Variants in NKAIN2 observed in about 807,000 individuals in gnomAD.
NKAIN2 encodes the protein sodium/potassium-transporting ATPase subunit beta-1-interacting protein 2.
NKAIN2 carries 14 observed loss-of-function variants against 32.6 expected under a neutral mutation model. That is an observed-to-expected ratio of 0.43 (90% CI 0.28 to 0.67). The LOEUF (loss-of-function observed/expected upper bound fraction) is 0.67. Among genes scored for constraint, NKAIN2 ranks in the 30% least tolerant of loss-of-function variants. The pLI is 0.17. For synonymous variants in NKAIN2, 80 were observed against 87.2 expected (o/e 0.92, Z 0.46); for missense variants, 198 against 258.3 (o/e 0.77, Z 1.60).
At chr6:124,051,800 T>C (rs1782415314) in intron 1 of NKAIN2, among the ~76,000 whole-genome samples, 1 of 152,010 alleles carries the variant, frequency 6.6e-6, no homozygotes, top group African/African-American at 2.4e-5. Context: ...TCTAGAAGCA[T>C]TGGGTTAGTG....
chr6:124,724,466 A>T (rs1054848180), intron 4 of NKAIN2, among the ~76,000 whole-genome samples: 3 of 152,174 alleles, frequency 2.0e-5, no homozygotes, highest in Non-Finnish European at 4.4e-5. Context: ...CTCCTACTAC[A>T]GTTTATTCTG....
chr6:124,156,550 C>T (rs537081894), intron 1 of NKAIN2, among the ~76,000 whole-genome samples: 10 of 152,176 alleles, frequency 6.6e-5, no homozygotes, highest in East Asian at 1.9e-4. Flanking sequence ...AAAAGAAGTT[C>T]AGTGTATCTG....
intron 3 of NKAIN2, among the ~76,000 whole-genome samples, chr6:124,591,858 A>G (rs1781925475): frequency 6.6e-6 from 1 of 152,168 alleles, no homozygotes; most frequent in African/African-American, 2.4e-5. Context: ...GAACAGGAAG[A>G]AAATCTTGTC....
At chr6:124,202,888 T>G (rs1353322824) in intron 1 of NKAIN2, among the ~76,000 whole-genome samples, 1 of 151,888 alleles carries the variant, frequency 6.6e-6, no homozygotes, top group African/African-American at 2.4e-5. Context: ...AAATAATAGA[T>G]GGCAGTGATT....
intron 3 of NKAIN2, among the ~76,000 whole-genome samples, chr6:124,404,319 A>G (rs933241205): frequency 3.9e-5 from 6 of 152,182 alleles, no homozygotes; most frequent in African/African-American, 1.4e-4. Flanking sequence ...GAGAGGGTTC[A>G]CCAGGGATCA....
intron 1 of NKAIN2, among the ~76,000 whole-genome samples, chr6:124,154,603 G>A (rs1281339584): frequency 6.6e-6 from 1 of 151,836 alleles, no homozygotes; most frequent in Non-Finnish European, 1.5e-5. Flanking sequence ...TTCTTTAAAT[G>A]AAAATCGTAT....
intron 4 of NKAIN2, among the ~76,000 whole-genome samples, chr6:124,707,899 G>A (rs943195355): frequency 1.3e-5 from 2 of 152,038 alleles, no homozygotes; most frequent in African/African-American, 4.8e-5. Flanking sequence ...TGGTGTTTTG[G>A]ACATGAAGTC....
intron 1 of NKAIN2, among the ~76,000 whole-genome samples, chr6:124,046,998 G>A (rs964199205): frequency 2.6e-5 from 4 of 151,912 alleles, no homozygotes; most frequent in African/African-American, 4.8e-5. Context: ...AAATGCCTTC[G>A]CTGTTTTGTA....
At chr6:124,095,365 TTG>T (rs1428870931) in intron 1 of NKAIN2, among the ~76,000 whole-genome samples, 1 of 152,170 alleles carries the variant, frequency 6.6e-6, no homozygotes, top group African/African-American at 2.4e-5. Flanking sequence ...AAATAAAATC[TTG>T]TGATGCATTC....
At chr6:124,260,379 G>A (rs1167850442) in intron 1 of NKAIN2, among the ~76,000 whole-genome samples, 2 of 152,166 alleles carry the variant, frequency 1.3e-5, no homozygotes, top group East Asian at 3.9e-4. Context: ...GTGTGGTCAA[G>A]GTGAGATTGT....
chr6:124,238,546 G>A (rs1562442992), intron 1 of NKAIN2, among the ~76,000 whole-genome samples: 5 of 152,010 alleles, frequency 3.3e-5, no homozygotes. Context: ...TTGGAAAACA[G>A]GATGACTGAA....
In NKAIN2 at chr6:123,988,404, G is replaced by T. The variant is rs1779249755; in HGVS notation, c.54+184150G>T. Among the ~76,000 whole-genome samples, 4 of 152,184 alleles carry T rather than the reference G, an allele frequency of 2.6e-5. No homozygotes were observed. The South Asian group carries it at 8.3e-4, about 31-fold the overall frequency. The stretch of plus-strand genomic sequence containing the variant: ...TTTTATGGGGATTGGGGGAAGTTGT[G>T]TTGTTCCACAGAAGAGGCCAACAGC... On this transcript the variant is annotated intron_variant, in intron 1 of 6. Coordinates refer to ENST00000368417, the MANE Select transcript of NKAIN2 (RefSeq NM_001040214.3).
chr6:124,272,998 C>G (rs1468198497), intron 1 of NKAIN2, among the ~76,000 whole-genome samples: 1 of 152,166 alleles, frequency 6.6e-6, no homozygotes, highest in Non-Finnish European at 1.5e-5. Flanking sequence ...AAGTAACTAA[C>G]TTGTTTTTGA....
At chr6:124,605,885 A>G (rs1782479513) in intron 3 of NKAIN2, among the ~76,000 whole-genome samples, 1 of 151,878 alleles carries the variant, frequency 6.6e-6, no homozygotes, top group African/African-American at 2.4e-5. Context: ...GAGCAGGGGG[A>G]CAGTCTTTTT....
At chr6:124,227,571 G>T (rs1033457324) in intron 1 of NKAIN2, among the ~76,000 whole-genome samples, 4 of 151,968 alleles carry the variant, frequency 2.6e-5, no homozygotes, top group African/African-American at 9.7e-5. Context: ...TTTTAAATTT[G>T]GGGAGCATTT....
chr6:123,844,355 C>T (rs1340837664), intron 1 of NKAIN2, among the ~76,000 whole-genome samples: 1 of 152,148 alleles, frequency 6.6e-6, no homozygotes, highest in East Asian at 1.9e-4. Context: ...TTTTCACTAA[C>T]ATTTTTCAGG....
intron 4 of NKAIN2, among the ~76,000 whole-genome samples, chr6:124,689,209 C>T (rs1458588736): frequency 6.6e-6 from 1 of 151,708 alleles, no homozygotes; most frequent in African/African-American, 2.4e-5. Context: ...TTGTTTCAGC[C>T]TACATCTCCC....
chr6:124,588,178 G>T (rs1230032881), intron 3 of NKAIN2, among the ~76,000 whole-genome samples: 1 of 152,126 alleles, frequency 6.6e-6, no homozygotes, highest in African/African-American at 2.4e-5. Flanking sequence ...TTGATGCATA[G>T]TGCCTAACAT....
intron 4 of NKAIN2, among the ~76,000 whole-genome samples, chr6:124,764,039 T>C (rs1364823460): frequency 1.3e-5 from 2 of 152,314 alleles, no homozygotes; most frequent in Middle Eastern, 3.4e-3. Flanking sequence ...GCATTATTTA[T>C]ATCAGTATTT....
Sources: allele counts gnomAD v4.1 joint callset (sites outside exome capture counted in the v4.1 genomes callset), GRCh38; gene constraint gnomAD v4.1.1; transcripts MANE v1.5; gene names NCBI Gene and HGNC (gene_info 2026-07-23, HGNC 2026-07-21).